Variants in KIF16B observed in about 807,000 individuals in gnomAD.
KIF16B encodes the protein kinesin-like protein KIF16B.
Under a neutral mutation model 156.3 loss-of-function variants are expected in KIF16B, and 98 were observed. The ratio of observed to expected loss-of-function variants is 0.63; its 90% CI spans 0.53 to 0.74. The LOEUF (loss-of-function observed/expected upper bound fraction) is 0.74, where lower values mean the gene tolerates loss of function less well. Among genes scored for constraint, KIF16B ranks in the 30% least tolerant of loss-of-function variants. The pLI is 0.00. For missense variants in KIF16B, 1,421 were observed against 1,606.5 expected, an observed-to-expected ratio of 0.88 and a Z score of 1.97; for synonymous variants, 564 against 583.7, an observed-to-expected ratio of 0.97 and a Z score of 0.49.
At chr20:16,411,155 T>C (rs1461432464) in intron 15 of KIF16B, among the ~76,000 whole-genome samples, 2 of 152,114 alleles carry the variant, frequency 1.3e-5, no homozygotes, top group African/African-American at 4.8e-5. Flanking sequence ...ATTCACAGTT[T>C]CCTTCAATTT....
intron 19 of KIF16B, 72 bp downstream of exon 19, chr20:16,378,733 C>A: frequency 4.4e-6 from 6 of 1,370,468 alleles, no homozygotes; most frequent in South Asian, 1.5e-5. Flanking sequence ...AGGATAAACA[C>A]AACATGAGGA....
chr20:16,364,819 A>G (rs1235365259), intron 22 of KIF16B, among the ~76,000 whole-genome samples: 6 of 152,238 alleles, frequency 3.9e-5, no homozygotes, highest in Admixed American at 6.5e-5. Context: ...TGGCCTTCTT[A>G]GATCATAAAG....
At chr20:16,545,394 G>A (rs183214230) in intron 1 of KIF16B, among the ~76,000 whole-genome samples, 3 of 151,590 alleles carry the variant, frequency 2.0e-5, no homozygotes. Flanking sequence ...GCCAGGAGAG[G>A]TGGCTCCCGC....
intron 10 of KIF16B, among the ~76,000 whole-genome samples, chr20:16,497,955 A>C (rs2068500616): frequency 6.6e-6 from 1 of 152,040 alleles, no homozygotes; most frequent in South Asian, 2.1e-4. Flanking sequence ...ACCAAAATCA[A>C]ACACAGTCTA....
At chr20:16,373,540 A>G (rs931933846) in intron 20 of KIF16B, among the ~76,000 whole-genome samples, 2 of 152,228 alleles carry the variant, frequency 1.3e-5, no homozygotes, top group Admixed American at 6.5e-5. Flanking sequence ...AACATCAGAT[A>G]CAGATTTATT....
intron 12 of KIF16B, among the ~76,000 whole-genome samples, chr20:16,442,675 A>C (rs189207905): frequency 1.3e-5 from 2 of 152,202 alleles, no homozygotes; most frequent in Admixed American, 6.6e-5. Flanking sequence ...AAATTGGAGT[A>C]GGGTGGGAGG....
chr20:16,515,798 A>T, intron 3 of KIF16B, 134 bp from the exon 4 acceptor site: 1 of 562,292 alleles, frequency 1.8e-6, no homozygotes, highest in Non-Finnish European at 3.2e-6. Flanking sequence ...TCACTGCAGA[A>T]CCATTCACAA....
chr20:16,405,406 G>A (rs139237398), intron 16 of KIF16B, among the ~76,000 whole-genome samples: 2 of 152,204 alleles, frequency 1.3e-5, no homozygotes, highest in African/African-American at 2.4e-5. Flanking sequence ...TACCAAAAAC[G>A]ACCCTCTAGG....
At position 16,363,288 on chromosome 20, in the gene KIF16B, T is replaced by G. The variant is rs545994163; in HGVS notation, c.3499-6836A>C. ...TAAGAGCAGCTCCCAATGAAAAAAC[T>G]GCTTCAGAGGTAGAAGGCAATCAGC... On this transcript the variant is annotated intron_variant, in intron 22 of 25. Coordinates refer to ENST00000354981, the MANE Select transcript of KIF16B (RefSeq NM_024704.5). 1.2e-4 allele frequency among the ~76,000 whole-genome samples: 18 copies of G among 152,250 alleles called. No homozygotes were observed. In the East Asian group the frequency reaches 3.5e-3, roughly 29 times the overall value.
chr20:16,525,150 A>G, intron 3 of KIF16B, among the ~76,000 whole-genome samples: 1 of 152,216 alleles, frequency 6.6e-6, no homozygotes, highest in East Asian at 1.9e-4. Context: ...CATTCTGCAC[A>G]TGTATCCCAG....
intron 1 of KIF16B, among the ~76,000 whole-genome samples, chr20:16,562,155 A>C (rs1241447770): frequency 6.6e-6 from 1 of 152,218 alleles, no homozygotes; most frequent in Non-Finnish European, 1.5e-5. Context: ...TTTCAAAATA[A>C]AAATTTTTTA....
Position 16,290,094 on chromosome 20 carries a change from C to A in KIF16B, c.3796-16683G>T, listed in dbSNP as rs6043865. ...TGGTTCCTTCCTTCACTGTATAAAC[C>A]TTCAGAGATTCCTGGCATTTGGAGA... On this transcript the variant is annotated intron_variant, in intron 25 of 25. Coordinates refer to ENST00000354981, the MANE Select transcript of KIF16B (RefSeq NM_024704.5). 2.6e-5 allele frequency among the ~76,000 whole-genome samples: 4 copies of A among 152,118 alleles called. No individual in the cohort carries two copies. In the East Asian group the frequency reaches 5.8e-4, roughly 22 times the overall value.
At chr20:16,309,301 T>C (rs2063585617) in intron 25 of KIF16B, among the ~76,000 whole-genome samples, 1 of 152,170 alleles carries the variant, frequency 6.6e-6, no homozygotes, top group East Asian at 1.9e-4. Context: ...TATACTCCTC[T>C]ACTTACTATC....
Position 16,378,959 on chromosome 20 carries a change from TCCTCTCCAGCCTGGCCAGGGC to T in KIF16B, c.3022_3042del (p.Ala1008_Arg1014del). ...GAGTGCCTCTGCAGCGCAGAATGTC[TCCTCTCCAGCCTGGCCAGGGC>T]CCGCTCCAGCGCCTCTCTCTGCTGC... On this transcript the variant is annotated inframe_deletion, in exon 19 of 26. Coordinates refer to ENST00000354981, the MANE Select transcript of KIF16B (RefSeq NM_024704.5). 1 of 1,613,982 alleles carries T rather than the reference TCCTCTCCAGCCTGGCCAGGGC, an allele frequency of 6.2e-7. No homozygotes were observed. The highest frequency in any genetic ancestry group is 1.3e-5 in the African/African-American group (1 of 74,940).
chr20:16,435,291 A>T (rs1343781064), intron 12 of KIF16B, among the ~76,000 whole-genome samples: 3 of 152,208 alleles, frequency 2.0e-5, no homozygotes, highest in Non-Finnish European at 4.4e-5. Flanking sequence ...TTTGGGCCAC[A>T]TGGTGCATGT....
chr20:16,438,284 C>A (rs549928263), intron 12 of KIF16B, among the ~76,000 whole-genome samples: 2 of 152,126 alleles, frequency 1.3e-5, no homozygotes, highest in Admixed American at 6.5e-5. Context: ...TTGCTTTCCC[C>A]GGTTTCAGTT....
At chr20:16,512,359 T>C (rs375285225) in intron 5 of KIF16B, among the ~76,000 whole-genome samples, 12 of 152,190 alleles carry the variant, frequency 7.9e-5, no homozygotes, top group Non-Finnish European at 1.3e-4. Context: ...TATATTGCCA[T>C]GTCTGCCCTT....
At chr20:16,303,892 C>T (rs1187165206) in intron 25 of KIF16B, among the ~76,000 whole-genome samples, 1 of 152,168 alleles carries the variant, frequency 6.6e-6, no homozygotes, top group Non-Finnish European at 1.5e-5. Flanking sequence ...TACATTTGAG[C>T]TGAGGGAAGT....
intron 25 of KIF16B, among the ~76,000 whole-genome samples, chr20:16,293,292 A>G (rs2063338842): frequency 6.6e-6 from 1 of 152,202 alleles, no homozygotes; most frequent in Non-Finnish European, 1.5e-5. Flanking sequence ...AGGCTGCTCT[A>G]TGGGTTTTTG....
Sources: allele counts gnomAD v4.1 joint callset (sites outside exome capture counted in the v4.1 genomes callset), GRCh38; gene constraint gnomAD v4.1.1; transcripts MANE v1.5; gene names NCBI Gene and HGNC (gene_info 2026-07-23, HGNC 2026-07-21).